CABCOCO1: variants seen among roughly 807,000 people sequenced by gnomAD.
The protein encoded by CABCOCO1 is ciliary associated calcium binding coiled-coil 1.
CABCOCO1 carries 28 observed loss-of-function variants against 35.7 expected under a neutral mutation model. The ratio of observed to expected loss-of-function variants is 0.78; its 90% CI spans 0.58 to 1.07. CABCOCO1 has a LOEUF of 1.07. Ranked by LOEUF, CABCOCO1 falls within the 50% of genes least tolerant of loss-of-function variation. The probability of loss-of-function intolerance (pLI) is 0.00; values close to 1 mark genes in which losing one functional copy is unlikely to be tolerated. For missense variants in CABCOCO1, 326 were observed against 309.2 expected, an observed-to-expected ratio of 1.05 and a Z score of -0.41; for synonymous variants, 95 against 100.1, an observed-to-expected ratio of 0.95 and a Z score of 0.30.
chr10:61,728,560 T>G (rs1589143888), intron 5 of CABCOCO1, among the ~76,000 whole-genome samples: 1 of 152,202 alleles, frequency 6.6e-6, no homozygotes, highest in African/African-American at 2.4e-5. Flanking sequence ...AAGTGAAAAA[T>G]GTATTGAACC....
At chr10:61,701,605 T>A (rs972090369) in intron 5 of CABCOCO1, 1 of 979,238 alleles carries the variant, frequency 1.0e-6, no homozygotes, top group South Asian at 4.7e-5. Flanking sequence ...AAAATCATCA[T>A]GTTTCCATTC....
intron 5 of CABCOCO1, among the ~76,000 whole-genome samples, chr10:61,753,210 C>G (rs181209999): frequency 1.3e-5 from 2 of 152,106 alleles, no homozygotes; most frequent in East Asian, 3.9e-4. Flanking sequence ...TTAAACACCT[C>G]AATTTTAAAT....
At chr10:61,689,368 G>C (rs1164973505) in intron 4 of CABCOCO1, among the ~76,000 whole-genome samples, 1 of 152,110 alleles carries the variant, frequency 6.6e-6, no homozygotes, top group African/African-American at 2.4e-5. Flanking sequence ...ACTGTCAAAA[G>C]CTAAGTTACT....
intron 5 of CABCOCO1, among the ~76,000 whole-genome samples, chr10:61,733,708 T>C (rs1388495225): frequency 6.6e-6 from 1 of 152,112 alleles, no homozygotes; most frequent in Admixed American, 6.6e-5. Context: ...CATTCACAGT[T>C]CAGAAGATTT....
At chr10:61,725,584 G>A (rs1217276996) in intron 5 of CABCOCO1, among the ~76,000 whole-genome samples, 1 of 129,102 alleles carries the variant, frequency 7.7e-6, no homozygotes, top group Non-Finnish European at 1.6e-5. Flanking sequence ...ATAGGGTGGG[G>A]AACATCACAC....
chr10:61,686,682 C>A (rs145178531), intron 4 of CABCOCO1, among the ~76,000 whole-genome samples: 1 of 152,188 alleles, frequency 6.6e-6, no homozygotes, highest in East Asian at 1.9e-4. Flanking sequence ...AATATACTTC[C>A]TCAAATTTAT....
intron 1 of CABCOCO1, among the ~76,000 whole-genome samples, chr10:61,671,404 G>A (rs1589109159): frequency 1.3e-5 from 2 of 152,196 alleles, no homozygotes; most frequent in South Asian, 2.1e-4. Context: ...GGTGAGTGGG[G>A]GCTAAAACTA....
intron 5 of CABCOCO1, among the ~76,000 whole-genome samples, chr10:61,747,772 T>C (rs1443711153): frequency 6.6e-6 from 1 of 152,218 alleles, no homozygotes; most frequent in East Asian, 1.9e-4. Flanking sequence ...TAAATATTAG[T>C]TGCCTAATGT....
At chr10:61,688,220 A>G (rs1439452422) in intron 4 of CABCOCO1, among the ~76,000 whole-genome samples, 1 of 152,222 alleles carries the variant, frequency 6.6e-6, no homozygotes, top group Non-Finnish European at 1.5e-5. Context: ...GATGACTACA[A>G]AGCAGTTTTA....
intron 5 of CABCOCO1, among the ~76,000 whole-genome samples, chr10:61,757,667 T>C (rs1342085179): frequency 6.7e-6 from 1 of 148,240 alleles, no homozygotes; most frequent in Non-Finnish European, 1.5e-5. Flanking sequence ...GTTCCAAGTT[T>C]CCAAGTGTGT....
chr10:61,718,947 T>A (rs1840932565), intron 5 of CABCOCO1, among the ~76,000 whole-genome samples: 1 of 152,200 alleles, frequency 6.6e-6, no homozygotes, highest in South Asian at 2.1e-4. Flanking sequence ...AAAAGTCCAG[T>A]AAAATTGTCA....
chr10:61,732,303 T>G (rs933647830), intron 5 of CABCOCO1, among the ~76,000 whole-genome samples: 2 of 152,042 alleles, frequency 1.3e-5, no homozygotes, highest in African/African-American at 4.8e-5. Flanking sequence ...CCATCAAAAA[T>G]TTAGAGAACT....
intron 5 of CABCOCO1, among the ~76,000 whole-genome samples, chr10:61,756,999 T>C (rs1367782879): frequency 6.6e-6 from 1 of 152,042 alleles, no homozygotes. Flanking sequence ...GAGGAAATTA[T>C]AACGTTCTTT....
intron 5 of CABCOCO1, chr10:61,701,552 G>A (rs1840459849): frequency 1.3e-6 from 1 of 795,714 alleles, no homozygotes; most frequent in Non-Finnish European, 1.5e-6. Context: ...ATATTATCTG[G>A]CCAATAGATG....
intron 5 of CABCOCO1, among the ~76,000 whole-genome samples, chr10:61,743,040 G>A (rs1217829275): frequency 3.3e-5 from 5 of 152,208 alleles, no homozygotes; most frequent in South Asian, 2.1e-4. Context: ...CAAAGCAGCC[G>A]CAGATTTTAG....
At chr10:61,667,274 T>A (rs901077113) in intron 1 of CABCOCO1, among the ~76,000 whole-genome samples, 2 of 150,020 alleles carry the variant, frequency 1.3e-5, no homozygotes, top group Admixed American at 6.7e-5. Context: ...CATATTTATC[T>A]CTACAAAATA....
At chr10:61,741,376 T>C (rs1428306934) in intron 5 of CABCOCO1, among the ~76,000 whole-genome samples, 2 of 152,166 alleles carry the variant, frequency 1.3e-5, no homozygotes. Context: ...ATAAATTGTA[T>C]AATATGCCTT....
At position 61,709,337 on chromosome 10, in the gene CABCOCO1, CA is replaced by C. The variant is rs1490311353; in HGVS notation, c.552+18721del. Reference sequence around the variant, plus strand: ...ATTGTTTGACTTTGCTTGGAATAAACAAAAAGCTTAAAATTAGATTATTGCT... The same window carrying C: ...ATTGTTTGACTTTGCTTGGAATAAACAAAAGCTTAAAATTAGATTATTGCT... On this transcript the variant is annotated intron_variant, in intron 5 of 7. Coordinates refer to ENST00000648843, the MANE Select transcript of CABCOCO1 (RefSeq NM_001366906.2). Among the ~76,000 whole-genome samples the C allele has an allele frequency of 2.0e-5, 3 of 151,974 alleles. No individual in the cohort carries two copies. In the East Asian group the frequency reaches 5.8e-4, roughly 29 times the overall value.
intron 5 of CABCOCO1, among the ~76,000 whole-genome samples, chr10:61,730,077 G>A (rs770205936): frequency 8.6e-5 from 13 of 151,514 alleles, no homozygotes; most frequent in Non-Finnish European, 1.5e-4. Context: ...CTCATGTTGC[G>A]TTCTCACCAC....
Sources: allele counts gnomAD v4.1 joint callset (sites outside exome capture counted in the v4.1 genomes callset), GRCh38; gene constraint gnomAD v4.1.1; transcripts MANE v1.5; gene names NCBI Gene and HGNC (gene_info 2026-07-23, HGNC 2026-07-21).